The following MBD6 variants were observed in gnomAD, a reference collection of about 807,000 sequenced individuals.
MBD6 encodes methyl-CpG binding domain protein 6, also known as methyl-CpG-binding domain protein 6.
MBD6 carries 22 observed loss-of-function variants against 66.8 expected under a neutral mutation model. The ratio of observed to expected loss-of-function variants is 0.33; its 90% confidence interval spans 0.24 to 0.47. The LOEUF (loss-of-function observed/expected upper bound fraction) is 0.47, where lower values mean the gene tolerates loss of function less well. Among genes scored for constraint, MBD6 ranks in the 20% least tolerant of loss-of-function variants. The pLI is 1.00. For synonymous variants in MBD6, 540 were observed against 534.6 expected (o/e 1.01, Z -0.14); for missense variants, 1,322 against 1,286.9 (o/e 1.03, Z -0.42).
Position 57,527,051 on chromosome 12 carries a change from G to A in MBD6, c.1906G>A (p.Gly636Arg). ...CCTGTTGGCTCTGGGCCCCACAGCT[G>A]GGGATGGGGAGGGATCTGCAGAGGG... ...LPLLALGPTA[G>R]DGEGSAEGAG... The change falls in exon 7 of 13, where the codon GGG (glycine) becomes AGG (arginine). Residue 636 changes from glycine to arginine, a missense_variant. Coordinates refer to ENST00000355673, the MANE Select transcript of MBD6 (RefSeq NM_052897.4). 1 of 1,609,976 alleles carries A rather than the reference G, an allele frequency of 6.2e-7. No individual in the cohort carries two copies. The highest frequency in any genetic ancestry group is 8.5e-7 in the Non-Finnish European group (1 of 1,177,232).
At chr12:57,526,529 G>GGCCT in intron 6 of MBD6, 37 bp from the exon 7 acceptor site, 1 of 1,513,356 alleles carries the variant, frequency 6.6e-7, no homozygotes, top group South Asian at 1.3e-5. Context: ...TGGGAGAAAG[G>GGCCT]GCCTCCCTTG....
At position 57,529,480 on chromosome 12, in the gene MBD6, G is replaced by C; in HGVS notation, c.*246G>C. The C allele has an allele frequency of 1.9e-6, 1 of 519,644 alleles. No homozygotes were observed. Among genetic ancestry groups the C allele is most frequent in the East Asian group, 3.2e-5 (1 of 31,648 alleles). 32.2% of individuals were successfully genotyped at this position (519,644 alleles called of 1,614,324 possible). ...GTCACTGAAAAGGCCTGGGGGGGATGGTATATGGCCCTTTCCCCACCAGGC... is the reference window on the plus strand; with the variant it reads ...GTCACTGAAAAGGCCTGGGGGGGATCGTATATGGCCCTTTCCCCACCAGGC... On this transcript the variant is annotated 3_prime_UTR_variant, in exon 13 of 13. Coordinates refer to ENST00000355673, the MANE Select transcript of MBD6 (RefSeq NM_052897.4).
intron 4 of MBD6, 46 bp downstream of exon 4, chr12:57,524,868 G>A (rs774982049): frequency 2.0e-5 from 33 of 1,612,408 alleles, no homozygotes; most frequent in Non-Finnish European, 2.6e-5. Flanking sequence ...TAAGCTAAAA[G>A]TCTTAATGCA....
rs529923928 is a variant in MBD6, at chr12:57,529,300, C to T, written c.*66C>T. The T allele has an allele frequency of 2.4e-5, 38 of 1,555,784 alleles. No homozygotes were observed. In the East Asian group the frequency reaches 8.6e-4, roughly 35 times the overall value. On this transcript the variant is annotated 3_prime_UTR_variant, in exon 13 of 13. Coordinates refer to ENST00000355673, the MANE Select transcript of MBD6 (RefSeq NM_052897.4). ...GCTGAGTGCTGAGCCTTGGGAGCCC[C>T]TGCCAGCCACCTGCACCTGTGGACA...
downstream of MBD6, chr12:57,530,463 C>G (rs1208446472): frequency 2.1e-6 from 1 of 474,206 alleles, no homozygotes; most frequent in East Asian, 3.2e-5. Flanking sequence ...ACGTCCTTAT[C>G]CCCCAGGCCT....
intron 3 of MBD6, 22 bp from the exon 4 acceptor site, chr12:57,524,698 C>T (rs1247020070): frequency 1.2e-6 from 2 of 1,611,646 alleles, no homozygotes; most frequent in East Asian, 2.2e-5. Context: ...ACCCCATGTC[C>T]TCTGACCCTG....
rs1308102723 is a variant in MBD6 at position 57,528,440 on chromosome 12, T to C, written c.2700T>C (p.Asn900=). ...AATGGGGGACACGTGGTGGCTTCAA[T>C]GGACAAATGGAAAGGTCCCCAAGAA... is the stretch of plus-strand genomic sequence containing the variant. The part of the protein sequence containing the change: ...ALKWGTRGGF[N]GQMERSPRRT... Residue 900 remains asparagine, a synonymous_variant, in exon 10 of 13, where the codon AAT becomes AAC. Coordinates refer to ENST00000355673, the MANE Select transcript of MBD6 (RefSeq NM_052897.4). The C allele has an allele frequency of 1.9e-6, 3 of 1,613,690 alleles. No homozygotes were observed. Among genetic ancestry groups the C allele is most frequent in the South Asian group, 1.1e-5 (1 of 91,082 alleles).
chr12:57,530,971 G>A (rs1879643221), downstream of MBD6, among the ~76,000 whole-genome samples: 1 of 152,194 alleles, frequency 6.6e-6, no homozygotes, highest in African/African-American at 2.4e-5. Context: ...GCCCAAGCAG[G>A]TAGGACTCGA....
Position 57,529,016 on chromosome 12 carries a change from G to T in MBD6, c.2937+7G>T, listed in dbSNP as rs770476572. 6.2e-7 allele frequency: 1 copy of T among 1,614,092 alleles called. No individual in the cohort carries two copies. Among genetic ancestry groups the T allele is most frequent in the South Asian group, 1.1e-5 (1 of 91,072 alleles). On this transcript the variant is annotated splice_region_variant and intron_variant, in intron 12 of 12. Transcript: ENST00000355673. ...ACCCAGCCCTACAGCCCGAGTAAGT[G>T]TGTGTTTGGGTGGATGGGTGGATGG...
At chr12:57,524,475 T>A in intron 3 of MBD6, 59 bp downstream of exon 3, 1 of 1,415,148 alleles carries the variant, frequency 7.1e-7, no homozygotes, top group Non-Finnish European at 9.7e-7. Flanking sequence ...TTTTCTTTCT[T>A]CCGTTTCTTC....
Position 57,528,694 on chromosome 12 carries a change from G to A in MBD6, c.2849G>A (p.Arg950His), listed in dbSNP as rs201317003. The change falls in exon 11 of 13, where the codon CGT (arginine) becomes CAT (histidine). Residue 950 changes from arginine to histidine, a missense_variant. Transcript: ENST00000355673. ...CCCCCGGGAGTAGTCAGAAAGTCTC[G>A]TCGTGGCCGTAGGAGAAAATACAAG... ...KVPPGVVRKS[R>H]RGRRRKYNPT... The A allele has an allele frequency of 1.6e-4, 252 of 1,614,004 alleles. No homozygotes were observed. Among genetic ancestry groups the A allele is most frequent in the Non-Finnish European group, 2.2e-5 (26 of 1,180,024 alleles).
downstream of MBD6, chr12:57,530,772 G>GCAC: frequency 6.2e-7 from 1 of 1,613,418 alleles, no homozygotes; most frequent in Non-Finnish European, 8.5e-7. Flanking sequence ...ATGGTTGTCT[G>GCAC]CACCTACAAA....
At chr12:57,531,502 G>A (rs1879705425), downstream of MBD6, among the ~76,000 whole-genome samples, 1 of 152,222 alleles carries the variant, frequency 6.6e-6, no homozygotes. Flanking sequence ...GGGCAACAGA[G>A]CGAGACTCTG....
intron 1 of MBD6, among the ~76,000 whole-genome samples, chr12:57,523,574 G>T (rs1164907030): frequency 6.6e-6 from 1 of 152,206 alleles, no homozygotes; most frequent in Non-Finnish European, 1.5e-5. Flanking sequence ...GATGGAGCAG[G>T]CATGGGGGGA....
rs374027869 is a variant in MBD6 at position 57,528,673 on chromosome 12, C to T, written c.2828C>T (p.Pro943Leu). The T allele has an allele frequency of 3.6e-5, 58 of 1,613,944 alleles. No homozygotes were observed. The highest frequency in any genetic ancestry group is 5.5e-5 in the South Asian group (5 of 91,078). Reference protein sequence around the residue: ...GPHSEDLKVPPGVVRKSRRGR... With the variant: ...GPHSEDLKVPLGVVRKSRRGR... ...TAGTCCATCTTTTCTCAGGTGCCCC[C>T]GGGAGTAGTCAGAAAGTCTCGTCGT... is the stretch of plus-strand genomic sequence containing the variant. The change falls in exon 11 of 13, where the codon CCG becomes CTG. Residue 943 changes from proline (P) to leucine (L), a missense_variant. By Grantham distance (98) the Pro-to-Leu change is moderately conservative. Coordinates refer to ENST00000355673, the MANE Select transcript of MBD6 (RefSeq NM_052897.4).
Position 57,525,588 on chromosome 12 carries a change from G to A in MBD6, c.620G>A (p.Gly207Asp). 6.2e-7 allele frequency: 1 copy of A among 1,611,544 alleles called. No individual in the cohort carries two copies. Among genetic ancestry groups the A allele is most frequent in the African/African-American group, 1.3e-5 (1 of 74,912 alleles). ...AGCAGCCCCCGTTTCCTCCCAAGGG[G>A]CAATGCCCCCTCTCCAGCCCCACCT... ...GSSSPRFLPR[G>D]NAPSPAPPPP... The change falls in exon 6 of 13, where the codon GGC (glycine) becomes GAC (aspartate). Residue 207 changes from glycine to aspartate, a missense_variant. Physicochemically the swap from Gly to Asp is moderately conservative, Grantham distance 94 (BLOSUM62 -1). Coordinates refer to ENST00000355673, the MANE Select transcript of MBD6 (RefSeq NM_052897.4).
intron 3 of MBD6, 63 bp from the exon 4 acceptor site, chr12:57,524,657 T>G (rs755786822): frequency 3.1e-5 from 45 of 1,441,186 alleles, no homozygotes; most frequent in Non-Finnish European, 4.1e-5. Flanking sequence ...GCACTGTGCT[T>G]TAGGAGTATT....
downstream of MBD6, chr12:57,530,633 G>A (rs750650877): frequency 9.5e-5 from 138 of 1,453,684 alleles, no homozygotes; most frequent in Non-Finnish European, 1.3e-4. Context: ...TATGTAAGCT[G>A]TTAACAGAGT....
intron 3 of MBD6, 149 bp downstream of exon 3, chr12:57,524,565 G>A: frequency 2.9e-6 from 3 of 1,040,348 alleles, no homozygotes; most frequent in East Asian, 2.6e-5. Context: ...CTGTAGCTCT[G>A]GGCCTTTGAA....
Sources: gnomAD v4.1 joint callset for allele counts (sites outside exome capture counted in the v4.1 genomes callset) on GRCh38, gnomAD v4.1.1 for gene constraint, MANE v1.5 for transcripts, NCBI Gene and HGNC (gene_info 2026-07-23, HGNC 2026-07-21) for gene names.